COL23A1: variants seen among roughly 807,000 people sequenced by gnomAD.
COL23A1 encodes the protein collagen type XXIII alpha 1 chain.
A neutral mutation model predicts 99.3 loss-of-function variants in COL23A1; 97 were observed. That is an observed-to-expected ratio of 0.98 (90% CI 0.83 to 1.16). The LOEUF is 1.16. COL23A1 is among the 50% of genes most tolerant of loss of function. COL23A1 has a pLI of 0.00. For synonymous variants in COL23A1, 320 were observed against 308.2 expected, an observed-to-expected ratio of 1.04 and a Z score of -0.40; for missense variants, 762 against 757.4, an observed-to-expected ratio of 1.01 and a Z score of -0.07.
intron 2 of COL23A1, among the ~76,000 whole-genome samples, chr5:178,367,378 T>G (rs1467208074): frequency 6.6e-6 from 1 of 152,080 alleles, no homozygotes; most frequent in African/African-American, 2.4e-5. Context: ...GCAGCCAGAG[T>G]ATCAGCAAGG....
intron 2 of COL23A1, among the ~76,000 whole-genome samples, chr5:178,462,635 A>T (rs1044695799): frequency 6.6e-6 from 1 of 152,228 alleles, no homozygotes; most frequent in Non-Finnish European, 1.5e-5. Context: ...ACCAGGCCAA[A>T]TACAAAGGTA....
intron 2 of COL23A1, among the ~76,000 whole-genome samples, chr5:178,323,541 C>G (rs950930727): frequency 1.3e-5 from 2 of 152,082 alleles, no homozygotes; most frequent in African/African-American, 4.8e-5. Flanking sequence ...GAGGGTCCTT[C>G]CTGGGGAGAG....
intron 2 of COL23A1, among the ~76,000 whole-genome samples, chr5:178,450,329 A>G (rs58925950): frequency 0.018 from 2,795 of 152,292 alleles, 84 homozygotes; most frequent in African/African-American, 0.061. Flanking sequence ...ATTCCCTTGC[A>G]GTTGGCGGAA....
intron 2 of COL23A1, among the ~76,000 whole-genome samples, chr5:178,355,056 C>CAAAA (rs57506588): frequency 8.5e-6 from 1 of 117,440 alleles, no homozygotes; most frequent in African/African-American, 3.0e-5. Flanking sequence ...GACTTTGTCT[C>CAAAA]AAAAAAAAAA....
chr5:178,486,467 C>A (rs1481578312), intron 2 of COL23A1, among the ~76,000 whole-genome samples: 2 of 152,058 alleles, frequency 1.3e-5, no homozygotes, highest in Admixed American at 1.3e-4. Context: ...GAAAGCAAAA[C>A]GTTGACAAGA....
chr5:178,265,737 G>A, intron 8 of COL23A1: 1 of 984,886 alleles, frequency 1.0e-6, no homozygotes, highest in Non-Finnish European at 1.2e-6. Flanking sequence ...CTAGTCAGCA[G>A]ATAGGTTGTG....
intron 2 of COL23A1, among the ~76,000 whole-genome samples, chr5:178,503,649 C>A (rs190495226): frequency 6.6e-6 from 1 of 151,418 alleles, no homozygotes; most frequent in African/African-American, 2.4e-5. Flanking sequence ...CCTGTGTGTG[C>A]GAAAAGGGAG....
At chr5:178,455,785 GC>G (rs1767753931) in intron 2 of COL23A1, among the ~76,000 whole-genome samples, 1 of 152,032 alleles carries the variant, frequency 6.6e-6, no homozygotes, top group African/African-American at 2.4e-5. Flanking sequence ...CTCTACAGTG[GC>G]CCTATGTCTG....
rs1759451411 is a variant in COL23A1 at position 178,323,318 on chromosome 5, CA to C, written c.362-16400del. ...CTTTCCAGACCCATTTCATTGCCCACAAAGGGCCCTGTGGTAACTGATCTCC... is the reference window on the plus strand; with the variant it reads ...CTTTCCAGACCCATTTCATTGCCCACAAGGGCCCTGTGGTAACTGATCTCC... On this transcript the variant is annotated intron_variant, in intron 2 of 28. Transcript: ENST00000390654. 3.9e-5 allele frequency among the ~76,000 whole-genome samples: 6 copies of C among 152,240 alleles called. No individual in the cohort carries two copies. The South Asian group carries it at 1.2e-3, about 32-fold the overall frequency.
At chr5:178,262,529 G>C (rs1581477305) in intron 9 of COL23A1, among the ~76,000 whole-genome samples, 1 of 152,126 alleles carries the variant, frequency 6.6e-6, no homozygotes, top group East Asian at 1.9e-4. Context: ...TGACTGGGGG[G>C]GGACCCTGGT....
chr5:178,243,741 G>C (rs1764532248), intron 25 of COL23A1, among the ~76,000 whole-genome samples: 1 of 152,176 alleles, frequency 6.6e-6, no homozygotes, highest in Non-Finnish European at 1.5e-5. Flanking sequence ...GCATTTGCCA[G>C]GTAGAGCAGG....
At chr5:178,517,181 T>G (rs2127999938) in intron 2 of COL23A1, among the ~76,000 whole-genome samples, 1 of 152,372 alleles carries the variant, frequency 6.6e-6, no homozygotes, top group Non-Finnish European at 1.5e-5. Context: ...GCTGTCAGTC[T>G]TATTCCACTA....
chr5:178,548,439 A>C (rs540274116), intron 2 of COL23A1, among the ~76,000 whole-genome samples: 1 of 152,014 alleles, frequency 6.6e-6, no homozygotes, highest in South Asian at 2.1e-4. Flanking sequence ...TCTGGGCATC[A>C]TCCAAAAACC....
At chr5:178,457,034 C>T (rs1185419523) in intron 2 of COL23A1, among the ~76,000 whole-genome samples, 1 of 152,112 alleles carries the variant, frequency 6.6e-6, no homozygotes, top group Non-Finnish European at 1.5e-5. Context: ...AAATGTTAAT[C>T]ATGGTGCAGG....
rs565312960 is a variant in COL23A1 at position 178,381,547 on chromosome 5, C to T, written c.362-74628G>A. Among the ~76,000 whole-genome samples the T allele has an allele frequency of 3.6e-4, 55 of 152,290 alleles. No individual in the cohort carries two copies. In the South Asian group the frequency reaches 6.0e-3, roughly 17 times the overall value. ...ATCCATGCATTTGTGTTAGTGAGGA[C>T]GGAATGGTATACAGAGCAGCAGGCT... On this transcript the variant is annotated intron_variant, in intron 2 of 28. Transcript: ENST00000390654.
At chr5:178,298,859 C>G (rs1757887304) in intron 3 of COL23A1, among the ~76,000 whole-genome samples, 1 of 152,174 alleles carries the variant, frequency 6.6e-6, no homozygotes, top group African/African-American at 2.4e-5. Context: ...TGTGCCTAGC[C>G]TGAGTCAGTT....
At chr5:178,248,127 T>C (rs1764811554) in intron 20 of COL23A1, 65 bp downstream of exon 20, 1 of 1,239,632 alleles carries the variant, frequency 8.1e-7, no homozygotes, top group Non-Finnish European at 1.2e-6. Flanking sequence ...GTCCCAAGGC[T>C]CAGGGTCCCC....
chr5:178,580,039 G>A (rs1215727782), intron 1 of COL23A1, among the ~76,000 whole-genome samples: 1 of 152,040 alleles, frequency 6.6e-6, no homozygotes, highest in Non-Finnish European at 1.5e-5. Flanking sequence ...GAAACTAGAG[G>A]ACATGAGGCC....
At chr5:178,557,776 G>C (rs1439811386) in intron 2 of COL23A1, among the ~76,000 whole-genome samples, 2 of 152,310 alleles carry the variant, frequency 1.3e-5, no homozygotes. Context: ...GAATGAGTTA[G>C]GACTTCTGGT....
Sources: allele counts gnomAD v4.1 joint callset (sites outside exome capture counted in the v4.1 genomes callset), GRCh38; gene constraint gnomAD v4.1.1; transcripts MANE v1.5; gene names NCBI Gene and HGNC (gene_info 2026-07-23, HGNC 2026-07-21).